The following OTOGL variants were observed in gnomAD, a reference collection of about 807,000 sequenced individuals.
The protein encoded by OTOGL is otogelin-like protein.
A neutral mutation model predicts 318.5 loss-of-function variants in OTOGL; 285 were observed. The ratio of observed to expected loss-of-function variants is 0.89; its 90% CI spans 0.81 to 0.99. The LOEUF (loss-of-function observed/expected upper bound fraction) is 0.99, where lower values mean the gene tolerates loss of function less well. Among genes scored for constraint, OTOGL ranks in the 50% least tolerant of loss-of-function variants. The pLI, the probability that OTOGL is intolerant of heterozygous loss-of-function variation, is 0.00. For missense variants in OTOGL, 2,899 were observed against 2,845.6 expected (o/e 1.02, Z -0.43); for synonymous variants, 987 against 936.5 (o/e 1.05, Z -0.99).
At chr12:80,364,650 A>G (rs148276909) in intron 52 of OTOGL, among the ~76,000 whole-genome samples, 65 of 152,212 alleles carry the variant, frequency 4.3e-4, no homozygotes, top group Non-Finnish European at 8.4e-4. Context: ...GGTATTTCCT[A>G]TAAAGAGAAT....
intron 32 of OTOGL, among the ~76,000 whole-genome samples, chr12:80,316,896 CTTTA>C (rs2137816556): frequency 6.6e-6 from 1 of 152,182 alleles, no homozygotes; most frequent in African/African-American, 2.4e-5. Flanking sequence ...TTCTACCTGT[CTTTA>C]TTTGTTACAT....
In OTOGL at chr12:80,209,589, T is replaced by C. The variant is rs1212803525; in HGVS notation, c.79+79T>C. The C allele has an allele frequency of 8.2e-6, 8 of 980,130 alleles. No individual in the cohort carries two copies. In the Admixed American group the frequency reaches 1.9e-4, roughly 23 times the overall value. 60.7% of individuals were successfully genotyped at this position (980,130 alleles called of 1,614,324 possible). On this transcript the variant is annotated intron_variant, in intron 2 of 58. Coordinates refer to ENST00000547103, the MANE Select transcript of OTOGL (RefSeq NM_001378609.3). ...ACAATTTATACAAATAGTTTTCCCT[T>C]ATAAAGCACTTTGAAGTCATTAGAA...
At chr12:80,127,182 G>C (rs1448538391) in intron 1 of OTOGL, among the ~76,000 whole-genome samples, 1 of 152,164 alleles carries the variant, frequency 6.6e-6, no homozygotes, top group Non-Finnish European at 1.5e-5. Flanking sequence ...GCTGGTACCG[G>C]TTTTTCCTTT....
Position 80,377,222 on chromosome 12 carries a change from T to TCCCC in OTOGL, c.6861+20_6861+21insCCCC. 1 of 1,559,922 alleles carries TCCCC rather than the reference T, an allele frequency of 6.4e-7. No homozygotes were observed. The highest frequency in any genetic ancestry group is 8.8e-7 in the Non-Finnish European group (1 of 1,140,822). ...AGCCCTGTAAGTGGAAAAATGTCAT[T>TCCCC]TGCTACATAAATGCACACATCTTTT... is the stretch of plus-strand genomic sequence containing the variant. On this transcript the variant is annotated intron_variant, in intron 58 of 58. Coordinates refer to ENST00000547103, the MANE Select transcript of OTOGL (RefSeq NM_001378609.3).
In OTOGL at chr12:80,355,528, A is replaced by G. The variant is rs1346223547; in HGVS notation, c.5594-208A>G. 5.9e-5 allele frequency among the ~76,000 whole-genome samples: 9 copies of G among 152,028 alleles called. No individual in the cohort carries two copies. The East Asian group carries it at 1.5e-3, about 26-fold the overall frequency. On this transcript the variant is annotated intron_variant, in intron 46 of 58. Transcript: ENST00000547103. ...CACGAGCCACTGCATCTGACCAGGA[A>G]AAAAATATTTTCTGTGGACTAAGTA...
intron 9 of OTOGL, among the ~76,000 whole-genome samples, chr12:80,234,235 TTA>T (rs1879638911): frequency 6.6e-6 from 1 of 152,118 alleles, no homozygotes; most frequent in Non-Finnish European, 1.5e-5. Context: ...TTTCTGAATT[TTA>T]TGATGAGAGC....
chr12:80,151,946 G>C (rs1872809743), intron 1 of OTOGL, among the ~76,000 whole-genome samples: 1 of 152,184 alleles, frequency 6.6e-6, no homozygotes, highest in Non-Finnish European at 1.5e-5. Context: ...TCAGTTGGTG[G>C]TATTTATTTT....
At chr12:80,231,408 G>A (rs912682073) in intron 8 of OTOGL, among the ~76,000 whole-genome samples, 8 of 151,800 alleles carry the variant, frequency 5.3e-5, no homozygotes, top group Non-Finnish European at 8.8e-5. Flanking sequence ...AATTTTTTGT[G>A]CAAATGGCTA....
rs568384586 is a variant in OTOGL, at chr12:80,303,607, C to T, written c.3213+824C>T. Among the ~76,000 whole-genome samples the T allele has an allele frequency of 3.5e-4, 53 of 152,308 alleles. 1 individual carries two copies. Among genetic ancestry groups the T allele is most frequent in the African/African-American group, 1.2e-3 (49 of 41,576 alleles). The stretch of plus-strand genomic sequence containing the variant: ...AAAGAAAAGAGGTTTAATTGACTCA[C>T]AGTTCTGCATGCCTGGGAAGGCCTC... On this transcript the variant is annotated intron_variant, in intron 28 of 58. Transcript: ENST00000547103.
At chr12:80,135,251 T>TCCCCC (rs1565873158) in intron 1 of OTOGL, among the ~76,000 whole-genome samples, 1 of 69,118 alleles carries the variant, frequency 1.4e-5, no homozygotes, top group Non-Finnish European at 3.2e-5. Flanking sequence ...CTTGAGCCCC[T>TCCCCC]CCCCTCCCCT....
At chr12:80,149,536 GC>G (rs1384776593) in intron 1 of OTOGL, among the ~76,000 whole-genome samples, 1 of 152,126 alleles carries the variant, frequency 6.6e-6, no homozygotes, top group Non-Finnish European at 1.5e-5. Context: ...TCTGTGCCCT[GC>G]CCCCAGAGGT....
chr12:80,216,429 C>T (rs1355854149), intron 4 of OTOGL, among the ~76,000 whole-genome samples: 1 of 152,176 alleles, frequency 6.6e-6, no homozygotes, highest in African/African-American at 2.4e-5. Flanking sequence ...TGCCCCAGCC[C>T]ATACACTCAA....
intron 1 of OTOGL, among the ~76,000 whole-genome samples, chr12:80,105,613 T>C (rs1456000861): frequency 6.6e-6 from 1 of 152,204 alleles, no homozygotes; most frequent in East Asian, 1.9e-4. Flanking sequence ...CCAGTCTATA[T>C]AAATGTTTAA....
At chr12:80,314,460 G>C (rs1886848989) in intron 32 of OTOGL, 129 bp downstream of exon 32, 1 of 312,098 alleles carries the variant, frequency 3.2e-6, no homozygotes, top group African/African-American at 2.2e-5. Flanking sequence ...CTCCATAAAA[G>C]CTTTTAATTT....
At chr12:80,327,958 CAAAAAAAAAAAAA>C (rs397687373) in intron 35 of OTOGL, among the ~76,000 whole-genome samples, 1 of 30,928 alleles carries the variant, frequency 3.2e-5, no homozygotes, top group Non-Finnish European at 4.8e-5. Flanking sequence ...GACTCTGTCT[CAAAAAAAAAAAAA>C]AAAAAAAAAA....
chr12:80,099,594 AG>A lies in OTOGL; in HGVS notation c.-30del, dbSNP rs2137060820. ...ACCCATAAGGAATAAAGCCATAGCC[AG>A]TGCTTCCCTGGTAAGTTTTGGGGGA... On this transcript the variant is annotated 5_prime_UTR_variant, in exon 1 of 59. It adds an upstream start codon to the 5' untranslated region. Coordinates refer to ENST00000547103, the MANE Select transcript of OTOGL (RefSeq NM_001378609.3). 6.6e-6 allele frequency: 1 copy of A among 152,326 alleles called. No homozygotes were observed. The highest frequency in any genetic ancestry group is 1.9e-4 in the East Asian group (1 of 5,186). The allele number at this position is 152,326 out of a possible 1,614,324, so 9.4% of individuals were successfully genotyped here. A position where few individuals can be genotyped will look rare whatever the true frequency, so the allele number is the denominator to read the frequency against.
intron 44 of OTOGL, chr12:80,343,619 A>G (rs1888978123): frequency 6.9e-6 from 1 of 144,926 alleles, no homozygotes; most frequent in African/African-American, 2.6e-5. Context: ...CCTTGACCAA[A>G]GGCCGGTCCT....
intron 1 of OTOGL, among the ~76,000 whole-genome samples, chr12:80,200,290 T>G (rs1177037114): frequency 2.0e-5 from 3 of 152,192 alleles, no homozygotes; most frequent in Non-Finnish European, 4.4e-5. Context: ...TGTGAAATAG[T>G]GCTCTGCCTT....
intron 1 of OTOGL, among the ~76,000 whole-genome samples, chr12:80,127,914 C>T (rs1329853113): frequency 6.6e-6 from 1 of 152,188 alleles, no homozygotes; most frequent in Non-Finnish European, 1.5e-5. Context: ...GACTTCTCTG[C>T]ATTGGTTATT....
Sources: gnomAD v4.1 joint callset for allele counts (sites outside exome capture counted in the v4.1 genomes callset) on GRCh38, gnomAD v4.1.1 for gene constraint, MANE v1.5 for transcripts, NCBI Gene and HGNC (gene_info 2026-07-23, HGNC 2026-07-21) for gene names.